ASTN2: variants seen among roughly 807,000 people sequenced by gnomAD.
ASTN2 encodes astrotactin-2.
A neutral mutation model predicts 139.8 loss-of-function variants in ASTN2; 54 were observed. The ratio of observed to expected loss-of-function variants is 0.39; its 90% CI spans 0.31 to 0.48. The LOEUF is 0.48. ASTN2 is among the 20% of genes least tolerant of loss of function. The probability of loss-of-function intolerance (pLI) is 0.95; values close to 1 mark genes in which losing one functional copy is unlikely to be tolerated. For missense variants in ASTN2, 1,565 were observed against 1,725.1 expected (o/e 0.91, Z 1.64); for synonymous variants, 756 against 719.5 (o/e 1.05, Z -0.81).
intron 10 of ASTN2, among the ~76,000 whole-genome samples, chr9:116,884,559 A>AGGAATCTCTTGATTCCTCTGG (rs761659185): frequency 2.0e-5 from 3 of 151,982 alleles, no homozygotes; most frequent in Admixed American, 6.6e-5. Context: ...TGAATACCAG[A>AGGAATCTCTTGATTCCTCTGG]GGAATCTCTT....
At chr9:116,804,483 A>G (rs974343825) in intron 13 of ASTN2, among the ~76,000 whole-genome samples, 2 of 152,048 alleles carry the variant, frequency 1.3e-5, no homozygotes, top group Non-Finnish European at 2.9e-5. Context: ...GATGATAATG[A>G]CTCCTGCCTC....
intron 16 of ASTN2, among the ~76,000 whole-genome samples, chr9:116,681,265 C>G (rs1428834233): frequency 6.6e-6 from 1 of 152,140 alleles, no homozygotes; most frequent in Non-Finnish European, 1.5e-5. Flanking sequence ...AAGTGAACTC[C>G]CATTCACAAT....
At chr9:116,478,253 GGGAAGGAAGGAAGGAA>G (rs770411627) in intron 20 of ASTN2, among the ~76,000 whole-genome samples, 1 of 128,708 alleles carries the variant, frequency 7.8e-6, no homozygotes, top group Non-Finnish European at 1.6e-5. Context: ...GAGGGAGGGA[GGGAAGGAAGGAAGGAA>G]GGAAGGAAGG....
intron 13 of ASTN2, among the ~76,000 whole-genome samples, chr9:116,795,766 C>T (rs1830673469): frequency 6.6e-6 from 1 of 152,000 alleles, no homozygotes; most frequent in Non-Finnish European, 1.5e-5. Flanking sequence ...CAATTTAAGG[C>T]AGAGAAAGGA....
At chr9:117,347,308 G>T (rs1163819245) in intron 1 of ASTN2, among the ~76,000 whole-genome samples, 1 of 151,928 alleles carries the variant, frequency 6.6e-6, no homozygotes, top group East Asian at 1.9e-4. Context: ...TACTGATAGC[G>T]CACACATAGA....
At chr9:117,137,979 A>C (rs9792527) in intron 4 of ASTN2, among the ~76,000 whole-genome samples, 108,713 of 152,020 alleles carry the variant, frequency 0.72, 38,856 homozygotes, top group East Asian at 0.77. Flanking sequence ...TACCAGGAGG[A>C]TTTGGTTTAT....
rs916607466 is a variant in ASTN2, at chr9:116,976,727, C to G, written c.1650G>C (p.Val550=). The part of the protein sequence containing the change: ...APDPVHRHLC[V]RSDWGQSEGP... ...CTTCACTCTGTCCCCAGTCACTGCG[C>G]ACACACAGGTGTCTGTGAACAGGGT... The change falls in exon 8 of 23, where the codon GTG becomes GTC. Residue 550 remains valine, a synonymous_variant. Coordinates refer to ENST00000313400, the MANE Select transcript of ASTN2 (RefSeq NM_001365068.1). 1.8e-5 allele frequency: 29 copies of G among 1,614,136 alleles called. No individual in the cohort carries two copies. The highest frequency in any genetic ancestry group is 2.3e-5 in the Non-Finnish European group (27 of 1,179,998).
At chr9:116,786,678 C>T (rs1830387515) in intron 13 of ASTN2, among the ~76,000 whole-genome samples, 2 of 152,066 alleles carry the variant, frequency 1.3e-5, no homozygotes, top group Admixed American at 6.6e-5. Context: ...GTCTTTTATA[C>T]TGTTTGTGTT....
chr9:117,122,299 C>G (rs1293157519), intron 4 of ASTN2, among the ~76,000 whole-genome samples: 2 of 152,136 alleles, frequency 1.3e-5, no homozygotes, highest in African/African-American at 4.8e-5. Context: ...GAGTATGACT[C>G]TCACATAAGA....
intron 10 of ASTN2, among the ~76,000 whole-genome samples, chr9:116,885,882 A>G (rs1324704816): frequency 6.6e-6 from 1 of 152,158 alleles, no homozygotes; most frequent in Non-Finnish European, 1.5e-5. Flanking sequence ...TTACTCACTC[A>G]TTCATTCATT....
At chr9:117,097,584 A>T (rs1440440655) in intron 4 of ASTN2, among the ~76,000 whole-genome samples, 1 of 152,172 alleles carries the variant, frequency 6.6e-6, no homozygotes, top group African/African-American at 2.4e-5. Flanking sequence ...GAATCTGGTA[A>T]AAATGGTTGT....
intron 17 of ASTN2, among the ~76,000 whole-genome samples, chr9:116,641,631 C>A (rs900600476): frequency 1.3e-5 from 2 of 152,070 alleles, no homozygotes. Flanking sequence ...ATAACTAATT[C>A]AATGTCCCAT....
At chr9:116,518,962 T>G (rs1850759981) in intron 19 of ASTN2, among the ~76,000 whole-genome samples, 1 of 152,156 alleles carries the variant, frequency 6.6e-6, no homozygotes, top group African/African-American at 2.4e-5. Context: ...ATCACACTTA[T>G]AAATATATAT....
intron 1 of ASTN2, among the ~76,000 whole-genome samples, chr9:117,378,804 C>A (rs1830190822): frequency 6.6e-6 from 1 of 152,168 alleles, no homozygotes; most frequent in Admixed American, 6.5e-5. Context: ...GTGTCCCCAC[C>A]CGAATCTCTT....
intron 2 of ASTN2, among the ~76,000 whole-genome samples, chr9:117,246,428 C>T (rs1013481802): frequency 6.6e-6 from 1 of 152,182 alleles, no homozygotes; most frequent in East Asian, 1.9e-4. Context: ...CGAGGAGAAG[C>T]CATGCAACTC....
chr9:117,044,873 C>T (rs10983473), intron 5 of ASTN2, among the ~76,000 whole-genome samples: 6,250 of 152,260 alleles, frequency 0.041, 174 homozygotes, highest in Admixed American at 0.084. Context: ...TCATTGAATC[C>T]TCTCAGCTAA....
At chr9:116,536,396 T>C (rs1378820328) in intron 19 of ASTN2, among the ~76,000 whole-genome samples, 1 of 152,158 alleles carries the variant, frequency 6.6e-6, no homozygotes, top group East Asian at 1.9e-4. Flanking sequence ...CTGTTGCTGG[T>C]GAGGAGCTGC....
chr9:117,378,299 T>A (rs994870263), intron 1 of ASTN2, among the ~76,000 whole-genome samples: 1 of 152,166 alleles, frequency 6.6e-6, no homozygotes, highest in African/African-American at 2.4e-5. Context: ...TTCCACCATC[T>A]TCAAGGTCTA....
rs3041140 is a variant in ASTN2, at chr9:117,134,295, TACACACACACACAC to T, written c.1168+7017_1168+7030del. Among the ~76,000 whole-genome samples the T allele has an allele frequency of 5.7e-4, 43 of 75,802 alleles. No homozygotes were observed. In the East Asian group the frequency reaches 0.011, roughly 20 times the overall value. The allele number at this position is 75,802 out of a possible 152,430, so 49.7% of individuals were successfully genotyped here. ...ATATATATATATATATATATATATA[TACACACACACACAC>T]ACACACACACACACACACACACACA... On this transcript the variant is annotated intron_variant, in intron 4 of 22. Transcript: ENST00000313400.
Sources: allele counts gnomAD v4.1 joint callset (sites outside exome capture counted in the v4.1 genomes callset), GRCh38; gene constraint gnomAD v4.1.1; transcripts MANE v1.5; gene names NCBI Gene and HGNC (gene_info 2026-07-23, HGNC 2026-07-21).